ADGRL2: variants seen among roughly 807,000 people sequenced by gnomAD.
The protein encoded by ADGRL2 is calcium-independent alpha-latrotoxin receptor 2.
ADGRL2 carries 44 observed loss-of-function variants against 157.4 expected under a neutral mutation model. That is an observed-to-expected ratio of 0.28 (90% confidence interval 0.22 to 0.36). The LOEUF (loss-of-function observed/expected upper bound fraction) is 0.36, where lower values mean the gene tolerates loss of function less well. ADGRL2 is among the 10% of genes least tolerant of loss of function. ADGRL2 has a pLI of 1.00. For missense variants in ADGRL2, 1,510 were observed against 1,768.9 expected (o/e 0.85, Z 2.63); for synonymous variants, 585 against 624.7 (o/e 0.94, Z 0.95).
At chr1:81,654,980 T>TCTCA (rs139126539) in intron 3 of ADGRL2, among the ~76,000 whole-genome samples, 19,959 of 151,966 alleles carry the variant, frequency 0.13, 1,398 homozygotes, top group South Asian at 0.26. Flanking sequence ...TGAGATGGAG[T>TCTCA]CTCTGTCACC....
At chr1:81,688,982 G>A (rs1485813947) in intron 3 of ADGRL2, among the ~76,000 whole-genome samples, 1 of 152,170 alleles carries the variant, frequency 6.6e-6, no homozygotes, top group Non-Finnish European at 1.5e-5. Context: ...GCTCCACGCT[G>A]GTACTGGGGA....
chr1:81,964,261 G>A (rs180687627), intron 11 of ADGRL2, among the ~76,000 whole-genome samples: 2 of 152,056 alleles, frequency 1.3e-5, no homozygotes, highest in South Asian at 2.1e-4. Flanking sequence ...CTATGTTTGG[G>A]ATGATTCATG....
Position 81,671,634 on chromosome 1 carries a change from T to A in ADGRL2, c.-142-90177T>A, listed in dbSNP as rs184512254. Reference sequence around the variant, plus strand: ...TTCAAGTGATTCTCCTGCCTCAGCCTCCTGAGTAGCTGGGATTACAGGCGC... The same window carrying A: ...TTCAAGTGATTCTCCTGCCTCAGCCACCTGAGTAGCTGGGATTACAGGCGC... On this transcript the variant is annotated intron_variant, in intron 3 of 24. Transcript: ENST00000370721. 3.5e-4 allele frequency among the ~76,000 whole-genome samples: 54 copies of A among 152,178 alleles called. No homozygotes were observed. The East Asian group carries it at 8.9e-3, about 25-fold the overall frequency.
At chr1:81,439,386 C>A (rs537585775) in intron 1 of ADGRL2, among the ~76,000 whole-genome samples, 2 of 152,332 alleles carry the variant, frequency 1.3e-5, no homozygotes, top group East Asian at 1.9e-4. Flanking sequence ...ACCTTAGCAA[C>A]CTTTCTGTCT....
intron 3 of ADGRL2, among the ~76,000 whole-genome samples, chr1:81,633,479 C>T (rs1039223005): frequency 2.0e-5 from 3 of 150,954 alleles, no homozygotes; most frequent in African/African-American, 4.9e-5. Flanking sequence ...ACCTGTAATC[C>T]CAGCTAATTG....
chr1:81,440,280 A>G (rs572800098), intron 1 of ADGRL2, among the ~76,000 whole-genome samples: 1 of 152,248 alleles, frequency 6.6e-6, no homozygotes, highest in East Asian at 1.9e-4. Flanking sequence ...CCGGGTACCC[A>G]CCCCTAGCTG....
At chr1:81,331,907 G>A (rs1241652050) in intron 1 of ADGRL2, among the ~76,000 whole-genome samples, 2 of 151,972 alleles carry the variant, frequency 1.3e-5, no homozygotes, top group African/African-American at 2.4e-5. Context: ...CTTAAACAAA[G>A]GTGTTTAATT....
At chr1:81,951,642 T>C (rs1233520510) in intron 8 of ADGRL2, among the ~76,000 whole-genome samples, 2 of 149,208 alleles carry the variant, frequency 1.3e-5, no homozygotes, top group African/African-American at 2.4e-5. Flanking sequence ...TTCTGGATCA[T>C]TGGAATAAAT....
At chr1:81,322,113 C>CATATATATATATATATATAT (rs1345847160) in intron 1 of ADGRL2, among the ~76,000 whole-genome samples, 3 of 112,100 alleles carry the variant, frequency 2.7e-5, no homozygotes, top group Non-Finnish European at 5.5e-5. Context: ...TATATATACA[C>CATATATATATATATATATAT]ATATATATAT....
intron 4 of ADGRL2, among the ~76,000 whole-genome samples, chr1:81,938,854 C>T (rs1047549109): frequency 6.6e-6 from 1 of 151,434 alleles, no homozygotes; most frequent in Non-Finnish European, 1.5e-5. Flanking sequence ...TTGTTTCTTT[C>T]TACCTCTGTC....
At chr1:81,562,065 A>T (rs1406927416) in intron 2 of ADGRL2, among the ~76,000 whole-genome samples, 1 of 152,202 alleles carries the variant, frequency 6.6e-6, no homozygotes, top group Non-Finnish European at 1.5e-5. Flanking sequence ...CAAGGGCATA[A>T]ATGGCTTCTC....
intron 2 of ADGRL2, among the ~76,000 whole-genome samples, chr1:81,459,044 C>T (rs939578504): frequency 3.3e-5 from 5 of 151,992 alleles, no homozygotes; most frequent in African/African-American, 1.2e-4. Flanking sequence ...TGAGAGGGGA[C>T]CCAAAAGCAG....
intron 1 of ADGRL2, among the ~76,000 whole-genome samples, chr1:81,743,396 T>G (rs1471811683): frequency 8.2e-6 from 1 of 121,952 alleles, no homozygotes; most frequent in Non-Finnish European, 1.8e-5. Flanking sequence ...ACAGAAGGTT[T>G]TTTTTTTTTT....
At chr1:81,430,682 T>C (rs547769851) in intron 1 of ADGRL2, among the ~76,000 whole-genome samples, 3 of 152,290 alleles carry the variant, frequency 2.0e-5, no homozygotes, top group South Asian at 4.2e-4. Flanking sequence ...TTAGTTGTTG[T>C]TGTTGTTGTT....
In ADGRL2 at chr1:81,990,553, T is replaced by A. The variant is rs774675797; in HGVS notation, c.3818T>A (p.Ile1273Asn). 3 of 1,614,122 alleles carry A rather than the reference T, an allele frequency of 1.9e-6. No individual in the cohort carries two copies. The South Asian group carries it at 3.3e-5, about 18-fold the overall frequency. ...SLNDTAFEKMIISELVHNNLR... is the reference protein window; with the variant it reads ...SLNDTAFEKMNISELVHNNLR... ...AATGATACTGCTTTTGAGAAAATGA[T>A]CATTTCAGAATTAGTGCACAACAAC... Residue 1273 changes from isoleucine (I) to asparagine (N), a missense_variant, in exon 24 of 24, where the codon ATC becomes AAC. Ile to Asn is a moderately radical substitution (Grantham distance 149). Coordinates refer to ENST00000686636, the MANE Select transcript of ADGRL2 (RefSeq NM_001366006.2).
chr1:81,861,177 C>T (rs1184293157), intron 2 of ADGRL2, among the ~76,000 whole-genome samples: 7 of 152,090 alleles, frequency 4.6e-5, no homozygotes, highest in Middle Eastern at 3.4e-3. Flanking sequence ...CCAGCCACCA[C>T]GCTTGGCTAA....
intron 3 of ADGRL2, among the ~76,000 whole-genome samples, chr1:81,640,426 A>T (rs2148799305): frequency 6.6e-6 from 1 of 152,132 alleles, no homozygotes; most frequent in Non-Finnish European, 1.5e-5. Flanking sequence ...TGAGGTCAGA[A>T]GATCGAGACC....
chr1:81,910,736 T>TA (rs141374980), intron 3 of ADGRL2, among the ~76,000 whole-genome samples: 23,122 of 148,732 alleles, frequency 0.16, 2,771 homozygotes, highest in East Asian at 0.6. Flanking sequence ...TGTCCTTTTT[T>TA]AAAAAAAAAA....
chr1:81,527,911 C>A (rs1354698082), intron 2 of ADGRL2, among the ~76,000 whole-genome samples: 1 of 150,978 alleles, frequency 6.6e-6, no homozygotes, highest in Non-Finnish European at 1.5e-5. Flanking sequence ...ACTAAAAATA[C>A]CAACAATTAG....
Sources: allele counts gnomAD v4.1 joint callset (sites outside exome capture counted in the v4.1 genomes callset), GRCh38; gene constraint gnomAD v4.1.1; transcripts MANE v1.5; gene names NCBI Gene and HGNC (gene_info 2026-07-23, HGNC 2026-07-21).